The following CD109 variants were observed in gnomAD, a reference collection of about 807,000 sequenced individuals.
The protein encoded by CD109 is CD109 antigen.
In CD109, 149 loss-of-function variants were observed where a neutral mutation model predicts 165.8. That is an observed-to-expected ratio of 0.90 (90% CI 0.79 to 1.03). CD109 has a LOEUF of 1.03. CD109 is among the 50% of genes least tolerant of loss of function. The probability of loss-of-function intolerance (pLI) is 0.00; values close to 1 mark genes in which losing one functional copy is unlikely to be tolerated. For synonymous variants in CD109, 585 were observed against 592.1 expected, an observed-to-expected ratio of 0.99 and a Z score of 0.18; for missense variants, 1,712 against 1,677.8, an observed-to-expected ratio of 1.02 and a Z score of -0.36.
In CD109 at chr6:73,697,406, G is replaced by T. The variant is rs1281196728; in HGVS notation, c.81G>T (p.Arg27=). 5 of 1,613,732 alleles carry T rather than the reference G, an allele frequency of 3.1e-6. No homozygotes were observed. In the South Asian group the frequency reaches 3.3e-5, roughly 11 times the overall value. Residue 27 remains arginine, a synonymous_variant, in exon 2 of 33, where the codon CGG becomes CGT. Transcript: ENST00000287097. ...CTTGTTGGGAACTCTTTAGGCCTCG[G>T]TTTCTGGTGACAGCCCCAGGGATCA... is the stretch of plus-strand genomic sequence containing the variant. ...TAALAVAPGP[R]FLVTAPGIIR...
intron 16 of CD109, among the ~76,000 whole-genome samples, 169 bp from the exon 17 acceptor site, chr6:73,781,088 CGT>C (rs1359125281): frequency 2.0e-5 from 3 of 146,564 alleles, no homozygotes; most frequent in Non-Finnish European, 3.0e-5. Context: ...TGTGTGTGTG[CGT>C]GTGTGTGTGT....
chr6:73,782,883 T>A (rs1007979813), intron 18 of CD109, 128 bp downstream of exon 18: 4 of 765,408 alleles, frequency 5.2e-6, no homozygotes, highest in Non-Finnish European at 7.9e-6. Flanking sequence ...CCAAAAGGAT[T>A]TTTTAGGAAA....
upstream of CD109, chr6:73,694,411 C>G (rs1330438851): frequency 6.6e-6 from 1 of 152,040 alleles, no homozygotes; most frequent in Non-Finnish European, 1.5e-5. Context: ...CTTTAAAATC[C>G]ACACAGATTT....
At chr6:73,723,025 G>T in intron 2 of CD109, 1 of 542,794 alleles carries the variant, frequency 1.8e-6, no homozygotes, top group Non-Finnish European at 2.4e-6. Context: ...TGTTTTTTGG[G>T]TTTGCCCACT....
At chr6:73,713,282 ACCAG>A (rs2150158059) in intron 2 of CD109, among the ~76,000 whole-genome samples, 1 of 152,300 alleles carries the variant, frequency 6.6e-6, no homozygotes, top group African/African-American at 2.4e-5. Flanking sequence ...GACGCATGAG[ACCAG>A]TGAGTAGGCC....
chr6:73,762,976 T>C (rs565838265), intron 9 of CD109, 94 bp downstream of exon 9: 8 of 1,118,522 alleles, frequency 7.2e-6, no homozygotes, highest in African/African-American at 1.6e-5. Context: ...GGGAGCATCA[T>C]TGACTTTCTA....
chr6:73,726,882 T>A (rs752672264), intron 3 of CD109, among the ~76,000 whole-genome samples: 1 of 152,218 alleles, frequency 6.6e-6, no homozygotes, highest in Non-Finnish European at 1.5e-5. Context: ...GAACTGCACC[T>A]TCCTCCAGCC....
At chr6:73,749,490 G>T (rs575522701) in intron 5 of CD109, among the ~76,000 whole-genome samples, 1 of 152,148 alleles carries the variant, frequency 6.6e-6, no homozygotes, top group African/African-American at 2.4e-5. Context: ...TGAAGAGAAA[G>T]GTGGGGAAGT....
intron 2 of CD109, among the ~76,000 whole-genome samples, chr6:73,708,617 A>G (rs1397472591): frequency 1.3e-5 from 2 of 152,204 alleles, no homozygotes; most frequent in African/African-American, 4.8e-5. Flanking sequence ...TCCCACCAAC[A>G]GTGTAAAAGT....
At chr6:73,703,598 G>A (rs1056874135) in intron 2 of CD109, among the ~76,000 whole-genome samples, 3 of 152,196 alleles carry the variant, frequency 2.0e-5, no homozygotes, top group African/African-American at 7.2e-5. Context: ...AACATATGGA[G>A]AGCTGAGCTT....
intron 2 of CD109, among the ~76,000 whole-genome samples, chr6:73,718,099 C>A (rs1771812386): frequency 1.3e-5 from 2 of 151,888 alleles, no homozygotes; most frequent in Non-Finnish European, 2.9e-5. Flanking sequence ...TCACTTGAGC[C>A]TGGGAGTCTG....
chr6:73,804,451 C>T (rs140855765), intron 24 of CD109, among the ~76,000 whole-genome samples: 68 of 152,308 alleles, frequency 4.5e-4, no homozygotes, highest in African/African-American at 1.6e-3. Context: ...CCGTTGCATG[C>T]TCTTCCCTCT....
chr6:73,810,125 G>C lies in CD109; in HGVS notation c.3497G>C (p.Arg1166Thr), dbSNP rs1582197483. 1 of 1,606,276 alleles carries C rather than the reference G, an allele frequency of 6.2e-7. No individual in the cohort carries two copies. The highest frequency in any genetic ancestry group is 1.7e-5 in the Admixed American group (1 of 57,666). ...ACTTCTGAGGGAATCCCAATTATGA[G>C]GTGGCTAAGCAGGCAAAGAAATAGC... Reference protein sequence around the residue: ...FQTSEGIPIMRWLSRQRNSLG... With the variant: ...FQTSEGIPIMTWLSRQRNSLG... The change falls in exon 27 of 33, where the codon AGG (arginine) becomes ACG (threonine). Residue 1166 changes from arginine to threonine, a missense_variant. Arg to Thr is a moderately conservative substitution (Grantham distance 71). Transcript: ENST00000287097.
intron 2 of CD109, among the ~76,000 whole-genome samples, chr6:73,700,552 A>G (rs1016256462): frequency 1.3e-5 from 2 of 152,136 alleles, no homozygotes; most frequent in African/African-American, 4.8e-5. Flanking sequence ...CCAAACCACA[A>G]TAGATTTCTG....
At chr6:73,754,309 A>G (rs1359820683) in intron 5 of CD109, among the ~76,000 whole-genome samples, 1 of 152,146 alleles carries the variant, frequency 6.6e-6, no homozygotes, top group East Asian at 1.9e-4. Context: ...TCAGCATGGG[A>G]AAGGCCAACA....
At chr6:73,723,971 T>G (rs1039883031) in intron 3 of CD109, among the ~76,000 whole-genome samples, 3 of 152,204 alleles carry the variant, frequency 2.0e-5, no homozygotes, top group South Asian at 2.1e-4. Context: ...TGTGGAACTC[T>G]GCTCCTCAGT....
intron 32 of CD109, among the ~76,000 whole-genome samples, chr6:73,820,998 C>T (rs764516671): frequency 6.6e-6 from 1 of 152,054 alleles, no homozygotes; most frequent in African/African-American, 2.4e-5. Context: ...AGGATGAGTT[C>T]ATGTCCTTTG....
intron 3 of CD109, among the ~76,000 whole-genome samples, chr6:73,728,619 C>G (rs1220972448): frequency 6.6e-6 from 1 of 152,166 alleles, no homozygotes; most frequent in Non-Finnish European, 1.5e-5. Context: ...ATACTCTTCT[C>G]CCTAAATATT....
intron 5 of CD109, among the ~76,000 whole-genome samples, chr6:73,744,630 A>C (rs1250616799): frequency 1.3e-5 from 2 of 152,150 alleles, no homozygotes; most frequent in African/African-American, 4.8e-5. Flanking sequence ...GTCTTTATTC[A>C]GCCATTTGAT....
Sources: gnomAD v4.1 joint callset for allele counts (sites outside exome capture counted in the v4.1 genomes callset) on GRCh38, gnomAD v4.1.1 for gene constraint, MANE v1.5 for transcripts, NCBI Gene and HGNC (gene_info 2026-07-23, HGNC 2026-07-21) for gene names.